The following TNPO3 variants were observed in gnomAD, a reference collection of about 807,000 sequenced individuals.
TNPO3 encodes transportin-3.
A neutral mutation model predicts 122.8 loss-of-function variants in TNPO3; 65 were observed. The observed-to-expected ratio is 0.53, with a 90% CI of 0.43 to 0.65. The LOEUF is 0.65. Ranked by LOEUF, TNPO3 falls within the 30% of genes least tolerant of loss-of-function variation. TNPO3 has a pLI of 0.00. For missense variants in TNPO3, 850 were observed against 1,136.7 expected (o/e 0.75, Z 3.63); for synonymous variants, 372 against 411.2 (o/e 0.90, Z 1.15).
intron 1 of TNPO3, chr7:129,029,610 A>C (rs1013658883): frequency 2.0e-5 from 3 of 152,242 alleles, no homozygotes; most frequent in African/African-American, 7.2e-5. Context: ...AAGTATTACC[A>C]GTGTAATCAA....
At chr7:129,024,582 C>T (rs978425675) in intron 1 of TNPO3, among the ~76,000 whole-genome samples, 1 of 152,168 alleles carries the variant, frequency 6.6e-6, no homozygotes, top group Admixed American at 6.5e-5. Flanking sequence ...ACAAGGGAAT[C>T]AAATCTGTGC....
At position 129,015,138 on chromosome 7, in the gene TNPO3, G is replaced by A. The variant is rs766717655; in HGVS notation, c.396-3C>T. 2 of 1,603,064 alleles carry A rather than the reference G, an allele frequency of 1.2e-6. No homozygotes were observed. On this transcript the variant is annotated splice_region_variant and splice_polypyrimidine_tract_variant and intron_variant, in intron 3 of 22. Coordinates refer to ENST00000265388, the MANE Select transcript of TNPO3 (RefSeq NM_012470.4). Reference sequence around the variant, plus strand: ...AAGAAGTCACATCATTGCTGTATCTGCAAAAGAAAAAAGTGGAGATATGTT... The same window carrying A: ...AAGAAGTCACATCATTGCTGTATCTACAAAAGAAAAAAGTGGAGATATGTT...
chr7:129,021,287 G>A (rs1301683953), intron 1 of TNPO3, among the ~76,000 whole-genome samples: 4 of 151,652 alleles, frequency 2.6e-5, no homozygotes, highest in South Asian at 2.1e-4. Context: ...CCCGGGAGAC[G>A]GTGGTTGCAG....
upstream of TNPO3, chr7:129,056,116 C>A: frequency 9.3e-7 from 1 of 1,077,020 alleles, no homozygotes; most frequent in Non-Finnish European, 1.4e-6. Flanking sequence ...AACGCGGCCA[C>A]TGTGCCTGCC....
chr7:129,039,047 T>C (rs1807046900), intron 1 of TNPO3, among the ~76,000 whole-genome samples: 1 of 152,024 alleles, frequency 6.6e-6, no homozygotes, highest in Non-Finnish European at 1.5e-5. Context: ...TCAAAAAGCA[T>C]ACGAAAAGAT....
intron 5 of TNPO3, among the ~76,000 whole-genome samples, chr7:129,002,341 G>A (rs1186441835): frequency 6.6e-6 from 1 of 152,210 alleles, no homozygotes; most frequent in Non-Finnish European, 1.5e-5. Context: ...ACAGGGAGTA[G>A]ATCTAAAGAA....
At position 129,017,067 on chromosome 7, in the gene TNPO3, G is replaced by C. The variant is rs767127252; in HGVS notation, c.322-11C>G. 4.4e-6 allele frequency: 7 copies of C among 1,608,656 alleles called. No individual in the cohort carries two copies. Among genetic ancestry groups the C allele is most frequent in the Non-Finnish European group, 5.9e-6 (7 of 1,178,290 alleles). ...TATTGCTAAAGCCAGCTGAATAAGA[G>C]AGATTAAATAAATGAAGACAGATGA... On this transcript the variant is annotated splice_polypyrimidine_tract_variant and intron_variant, in intron 2 of 22. Coordinates refer to ENST00000265388, the MANE Select transcript of TNPO3 (RefSeq NM_012470.4).
At chr7:128,974,290 CT>C (rs200157873) in intron 18 of TNPO3, among the ~76,000 whole-genome samples, 12,871 of 128,102 alleles carry the variant, frequency 0.1, 703 homozygotes, top group South Asian at 0.18. Flanking sequence ...AATGATTTTT[CT>C]TTTTTTTTTT....
At chr7:128,973,003 T>TA (rs1345542030) in intron 18 of TNPO3, among the ~76,000 whole-genome samples, 2 of 150,734 alleles carry the variant, frequency 1.3e-5, no homozygotes, top group Admixed American at 6.6e-5. Flanking sequence ...AGTTGCTCTT[T>TA]AAAAAAAAAG....
In TNPO3 at chr7:129,018,027, G is replaced by A. The variant is rs1488793924; in HGVS notation, c.251C>T (p.Ala84Val). 2.5e-6 allele frequency: 4 copies of A among 1,614,006 alleles called. No homozygotes were observed. Among genetic ancestry groups the A allele is most frequent in the Non-Finnish European group, 3.4e-6 (4 of 1,180,032 alleles). Residue 84 changes from alanine (A) to valine (V), a missense_variant, in exon 2 of 23, where the codon GCC (alanine) becomes GTC (valine). Ala to Val is a moderately conservative substitution (Grantham distance 64). Transcript: ENST00000265388. ...GGTTAGCAATGAGTCCCGTAAAGAG[G>A]CATGAGAGTCTGTGGGGAGCTCATA... ...SFYELPTDSHASLRDSLLTHI... is the reference protein window; with the variant it reads ...SFYELPTDSHVSLRDSLLTHI...
At chr7:128,979,161 T>A in intron 15 of TNPO3, 38 bp from the exon 16 acceptor site, 1 of 1,610,590 alleles carries the variant, frequency 6.2e-7, no homozygotes, top group Non-Finnish European at 8.5e-7. Flanking sequence ...AAGAAAATAA[T>A]CAACAACTAG....
At chr7:129,036,299 T>A (rs971789587) in intron 1 of TNPO3, among the ~76,000 whole-genome samples, 1 of 151,988 alleles carries the variant, frequency 6.6e-6, no homozygotes, top group African/African-American at 2.4e-5. Context: ...GGTTGCCCAG[T>A]CTGGCCTCCT....
intron 8 of TNPO3, among the ~76,000 whole-genome samples, chr7:128,996,285 A>T (rs1308923874): frequency 2.0e-5 from 3 of 152,212 alleles, no homozygotes; most frequent in Non-Finnish European, 4.4e-5. Flanking sequence ...ATAATTTTCT[A>T]GTATTTTTTT....
intron 20 of TNPO3, among the ~76,000 whole-genome samples, chr7:128,968,381 T>C (rs1798131672): frequency 6.6e-6 from 1 of 152,202 alleles, no homozygotes; most frequent in Non-Finnish European, 1.5e-5. Flanking sequence ...AATTGTCTAC[T>C]CCCTTTACTT....
intron 5 of TNPO3, among the ~76,000 whole-genome samples, chr7:129,002,879 A>G (rs1802108829): frequency 6.6e-6 from 1 of 151,872 alleles, no homozygotes; most frequent in African/African-American, 2.4e-5. Flanking sequence ...TCTCTACTAA[A>G]AATACAAAAA....
chr7:129,002,683 C>G (rs1802071091), intron 5 of TNPO3, among the ~76,000 whole-genome samples: 1 of 152,108 alleles, frequency 6.6e-6, no homozygotes, highest in Admixed American at 6.5e-5. Context: ...CTTTGGGAGG[C>G]CAAGGTGGGC....
intron 16 of TNPO3, 76 bp from the exon 17 acceptor site, chr7:128,976,011 G>T: frequency 1.0e-6 from 1 of 973,024 alleles, no homozygotes; most frequent in Non-Finnish European, 1.7e-6. Flanking sequence ...TCTCCAGGAA[G>T]AAATTCAGAG....
chr7:129,040,141 G>A (rs1022768390), intron 1 of TNPO3, among the ~76,000 whole-genome samples: 3 of 152,004 alleles, frequency 2.0e-5, no homozygotes, highest in African/African-American at 7.3e-5. Flanking sequence ...TGTAATCCCA[G>A]CTACTCAGGA....
At chr7:128,968,446 T>C (rs1439111997) in intron 20 of TNPO3, among the ~76,000 whole-genome samples, 1 of 152,232 alleles carries the variant, frequency 6.6e-6, no homozygotes, top group Non-Finnish European at 1.5e-5. Context: ...TTATTTTCAG[T>C]TTAATTGTTG....
Sources: allele counts gnomAD v4.1 joint callset (sites outside exome capture counted in the v4.1 genomes callset), GRCh38; gene constraint gnomAD v4.1.1; transcripts MANE v1.5; gene names NCBI Gene and HGNC (gene_info 2026-07-23, HGNC 2026-07-21).